Variants in PLEKHG1 observed in about 807,000 individuals in gnomAD.
The protein encoded by PLEKHG1 is pleckstrin homology and RhoGEF domain containing G1, also known as pleckstrin homology domain-containing family G member 1.
Under a neutral mutation model 100.8 loss-of-function variants are expected in PLEKHG1, and 44 were observed. That is an observed-to-expected ratio of 0.44 (90% CI 0.34 to 0.56). The LOEUF (loss-of-function observed/expected upper bound fraction) is 0.56. PLEKHG1 is among the 20% of genes least tolerant of loss of function. The pLI, the probability that PLEKHG1 is intolerant of heterozygous loss-of-function variation, is 0.01. For synonymous variants in PLEKHG1, 640 were observed against 662.5 expected, an observed-to-expected ratio of 0.97 and a Z score of 0.52; for missense variants, 1,545 against 1,720.9, an observed-to-expected ratio of 0.90 and a Z score of 1.81.
At chr6:150,717,704 C>G (rs1379823273), upstream of PLEKHG1, among the ~76,000 whole-genome samples, 1 of 152,206 alleles carries the variant, frequency 6.6e-6, no homozygotes, top group Non-Finnish European at 1.5e-5. Context: ...GTAAACAAAG[C>G]TGCTTTCCAG....
intron 1 of PLEKHG1, among the ~76,000 whole-genome samples, chr6:150,609,926 G>A (rs139829034): frequency 6.6e-5 from 10 of 152,096 alleles, no homozygotes; most frequent in Non-Finnish European, 7.4e-5. Flanking sequence ...CGTTTCCCAC[G>A]TCCAGCATCC....
intron 2 of PLEKHG1, among the ~76,000 whole-genome samples, chr6:150,745,197 C>G (rs1783091048): frequency 6.6e-6 from 1 of 152,202 alleles, no homozygotes; most frequent in South Asian, 2.1e-4. Context: ...CAAACCTATA[C>G]AGCATCTTAC....
intron 3 of PLEKHG1, among the ~76,000 whole-genome samples, chr6:150,689,381 A>G (rs1346233924): frequency 6.6e-6 from 1 of 152,182 alleles, no homozygotes; most frequent in Non-Finnish European, 1.5e-5. Context: ...TTAAGTGTGA[A>G]GAGACTCTTA....
intron 15 of PLEKHG1, among the ~76,000 whole-genome samples, chr6:150,833,542 GA>G (rs1332936314): frequency 6.6e-6 from 1 of 152,082 alleles, no homozygotes; most frequent in African/African-American, 2.4e-5. Flanking sequence ...GACTTTTTTT[GA>G]AGGCCAAAAT....
chr6:150,644,338 T>TGTTTTG, intron 2 of PLEKHG1, among the ~76,000 whole-genome samples: 1 of 144,062 alleles, frequency 6.9e-6, no homozygotes, highest in African/African-American at 2.7e-5. Context: ...TTTCGTGTTT[T>TGTTTTG]TTTTTTTTTT....
rs140522547 is a variant in PLEKHG1 at position 150,831,510 on chromosome 6, A to G, written c.2399A>G (p.His800Arg). 2 of 1,614,014 alleles carry G rather than the reference A, an allele frequency of 1.2e-6. No homozygotes were observed. The highest frequency in any genetic ancestry group is 1.7e-6 in the Non-Finnish European group (2 of 1,179,976). ...CTCAGTGAGGACGAAGCCCCTTACC[A>G]TCAGGCCACTCCCGATCATGGTTAT... is the stretch of plus-strand genomic sequence containing the variant. Residue 800 changes from histidine to arginine, a missense_variant, in exon 15 of 16, where the codon CAT (histidine) becomes CGT (arginine). Coordinates refer to ENST00000358517, the Ensembl canonical transcript of PLEKHG1. The surrounding 1 kb of genome is among the most constrained non-coding windows in gnomAD (Gnocchi z 4.1).
intron 1 of PLEKHG1, among the ~76,000 whole-genome samples, chr6:150,615,724 G>T (rs935855044): frequency 6.6e-6 from 1 of 152,292 alleles, no homozygotes; most frequent in African/African-American, 2.4e-5. Flanking sequence ...GACCGGATAT[G>T]AGGACAACGA....
chr6:150,783,813 CTATT>C (rs1207437978), intron 3 of PLEKHG1, among the ~76,000 whole-genome samples: 5 of 152,088 alleles, frequency 3.3e-5, no homozygotes, highest in African/African-American at 7.2e-5. Context: ...GTTAAGATGT[CTATT>C]TATTTAATAC....
chr6:150,738,643 G>A (rs1748828410), intron 2 of PLEKHG1, among the ~76,000 whole-genome samples: 1 of 151,918 alleles, frequency 6.6e-6, no homozygotes, highest in Non-Finnish European at 1.5e-5. Flanking sequence ...ACCCCAAAAT[G>A]TGGTGGTTCT....
chr6:150,635,578 CATT>C, intron 1 of PLEKHG1, among the ~76,000 whole-genome samples: 1 of 152,306 alleles, frequency 6.6e-6, no homozygotes, highest in East Asian at 1.9e-4. Flanking sequence ...ATTTATAAAA[CATT>C]ATTTTCATAA....
chr6:150,707,002 T>C (rs1465184944), intron 3 of PLEKHG1, among the ~76,000 whole-genome samples: 5 of 128,312 alleles, frequency 3.9e-5, no homozygotes, highest in African/African-American at 1.2e-4. Flanking sequence ...CTTTTTCTTT[T>C]TTTTTTTTTT....
At chr6:150,678,383 A>G (rs1048620492) in intron 3 of PLEKHG1, among the ~76,000 whole-genome samples, 2 of 152,108 alleles carry the variant, frequency 1.3e-5, no homozygotes, top group Admixed American at 1.3e-4. Context: ...TCACAACTCT[A>G]CAAAGTGAGC....
chr6:150,732,001 G>A (rs1039636398), intron 1 of PLEKHG1, among the ~76,000 whole-genome samples: 6 of 139,038 alleles, frequency 4.3e-5, no homozygotes, highest in Non-Finnish European at 6.1e-5. Context: ...TCTCTCTGTC[G>A]CCCAGTCTGG....
intron 3 of PLEKHG1, among the ~76,000 whole-genome samples, chr6:150,652,211 C>G (rs917679077): frequency 9.9e-5 from 15 of 152,266 alleles, no homozygotes; most frequent in Admixed American, 4.6e-4. Context: ...AGGAGATATG[C>G]CTTTCTGTTA....
At chr6:150,606,099 TTTTAAAAATAG>T (rs1330371019) in intron 1 of PLEKHG1, among the ~76,000 whole-genome samples, 1 of 152,250 alleles carries the variant, frequency 6.6e-6, no homozygotes, top group African/African-American at 2.4e-5. Flanking sequence ...TCTAATGTAT[TTTTAAAAATAG>T]TTTAAAACAT....
In PLEKHG1 at chr6:150,840,729, A is replaced by C. The variant is rs1014853275; in HGVS notation, c.3991A>C (p.Lys1331Gln). Residue 1331 changes from lysine to glutamine, a missense_variant, in exon 16 of 16, where the codon AAA (lysine) becomes CAA (glutamine). Coordinates refer to ENST00000358517, the Ensembl canonical transcript of PLEKHG1. ...TTCTTTGAATAGTCCGCGCACTCCA[A>C]AAAAGCCGGTTAACAGCAAACTTGG... 3 of 1,614,216 alleles carry C rather than the reference A, an allele frequency of 1.9e-6. No individual in the cohort carries two copies. The highest frequency in any genetic ancestry group is 2.5e-6 in the Non-Finnish European group (3 of 1,180,040).
chr6:150,764,356 T>A (rs1784348801), intron 2 of PLEKHG1, among the ~76,000 whole-genome samples: 1 of 152,208 alleles, frequency 6.6e-6, no homozygotes, highest in Admixed American at 6.5e-5. Context: ...TGACCCTAGA[T>A]GATCCACCTG....
chr6:150,674,728 G>T (rs1321210316), intron 3 of PLEKHG1, among the ~76,000 whole-genome samples: 4 of 134,214 alleles, frequency 3.0e-5, no homozygotes, highest in Non-Finnish European at 6.1e-5. Context: ...TGTCGCTCAG[G>T]ATGGAGTGCA....
exon 2 of PLEKHG1, chr6:150,734,030 G>A (rs1782435057): frequency 1.2e-6 from 2 of 1,614,036 alleles, no homozygotes; most frequent in African/African-American, 1.3e-5. Flanking sequence ...TGTGGATAGA[G>A]TTGTTCAGGA....
Sources: allele counts gnomAD v4.1 joint callset (sites outside exome capture counted in the v4.1 genomes callset), GRCh38; gene constraint gnomAD v4.1.1; non-coding constraint Gnocchi (gnomAD v3.1); transcripts MANE v1.5; gene names NCBI Gene and HGNC (gene_info 2026-07-23, HGNC 2026-07-21).